Variants in CCDC171 observed in about 807,000 individuals in gnomAD.
The protein encoded by CCDC171 is coiled-coil domain-containing protein 171.
CCDC171 carries 177 observed loss-of-function variants against 168.2 expected under a neutral mutation model. The observed-to-expected ratio is 1.05, with a 90% CI of 0.93 to 1.19. CCDC171 has a LOEUF of 1.19. Ranked by LOEUF, CCDC171 falls within the 50% of genes most tolerant of loss-of-function variation. The pLI is 0.00. For synonymous variants in CCDC171, 687 were observed against 540.8 expected (o/e 1.27, Z -3.75); for missense variants, 1,991 against 1,539.0 (o/e 1.29, Z -4.91).
At chr9:16,029,201 A>T (rs1224132454) in intron 6 of CCDC171, among the ~76,000 whole-genome samples, 1 of 152,190 alleles carries the variant, frequency 6.6e-6, no homozygotes, top group East Asian at 1.9e-4. Flanking sequence ...ACATCTTCTG[A>T]TTTGGGCTTG....
chr9:15,960,198 G>A (rs951377596), intron 25 of CCDC171, among the ~76,000 whole-genome samples: 6 of 152,104 alleles, frequency 3.9e-5, no homozygotes, highest in Non-Finnish European at 8.8e-5. Context: ...GCAATTATGT[G>A]GTTTCATAGT....
intron 24 of CCDC171, among the ~76,000 whole-genome samples, chr9:15,894,473 C>T (rs928568487): frequency 6.6e-6 from 1 of 152,024 alleles, no homozygotes; most frequent in African/African-American, 2.4e-5. Context: ...GCCATTCCTC[C>T]CTTCTTATAC....
chr9:15,940,883 G>A (rs368689376), intron 25 of CCDC171, among the ~76,000 whole-genome samples: 3 of 151,900 alleles, frequency 2.0e-5, no homozygotes, highest in South Asian at 2.1e-4. Context: ...AAAACATAGC[G>A]TTAAGAAGTT....
chr9:15,837,920 C>T (rs2060518023), intron 21 of CCDC171, among the ~76,000 whole-genome samples: 2 of 152,174 alleles, frequency 1.3e-5, no homozygotes, highest in Admixed American at 1.3e-4. Flanking sequence ...TACTTCAAAA[C>T]AACACAACTT....
At chr9:15,851,434 G>A (rs1250741635) in intron 23 of CCDC171, among the ~76,000 whole-genome samples, 23 of 36,054 alleles carry the variant, frequency 6.4e-4, no homozygotes, top group Admixed American at 3.4e-4. Flanking sequence ...ACTCTTTTGG[G>A]GGGGAATTTC....
rs750829875 is a variant in CCDC171, at chr9:15,744,586, A to G, written c.2363A>G (p.Lys788Arg). The part of the protein sequence containing the change: ...TVEEKKQEEA[K>R]MKKKTFKGLI... The stretch of plus-strand genomic sequence containing the variant: ...GAGGAAAAGAAGCAAGAGGAAGCCA[A>G]GATGAAAAAGAAAACATTCAAAGGA... Residue 788 changes from lysine to arginine, a missense_variant, in exon 17 of 26, where the codon AAG becomes AGG. Lys to Arg is a conservative substitution (Grantham distance 26). Transcript: ENST00000380701. The G allele has an allele frequency of 1.2e-6, 2 of 1,614,252 alleles. No homozygotes were observed. Among genetic ancestry groups the G allele is most frequent in the Admixed American group, 1.7e-5 (1 of 60,026 alleles).
At chr9:16,082,885 C>G in the CCDC171 span, among the ~76,000 whole-genome samples, 1 of 152,172 alleles carries the variant, frequency 6.6e-6, no homozygotes, top group Non-Finnish European at 1.5e-5. Context: ...TCAAATCAAG[C>G]TGACATTTAT....
rs1174065231 is a variant in CCDC171, at chr9:15,973,335, G to A, written c.*1499G>A. On this transcript the variant is annotated 3_prime_UTR_variant, in exon 26 of 26. Transcript: ENST00000380701. ...GAAGTTTTTTTGTCTTATCTTTACA[G>A]TGACATTTGATTCAAATTACCCAAC... 1 of 121,082 alleles carries A rather than the reference G, an allele frequency of 8.3e-6. No individual in the cohort carries two copies. The highest frequency in any genetic ancestry group is 1.7e-5 in the Non-Finnish European group (1 of 58,930). 7.5% of individuals were successfully genotyped at this position (121,082 alleles called of 1,614,324 possible). A position where few individuals can be genotyped will look rare whatever the true frequency, so the allele number is the denominator to read the frequency against.
chr9:15,678,720 A>T (rs750715569), intron 9 of CCDC171, 38 bp from the exon 10 acceptor site: 2 of 1,546,892 alleles, frequency 1.3e-6, no homozygotes, highest in South Asian at 2.5e-5. Flanking sequence ...TGATGTAAGC[A>T]TGTTTGAAAA....
At chr9:16,091,112 G>T in the CCDC171 span, among the ~76,000 whole-genome samples, 2 of 152,150 alleles carry the variant, frequency 1.3e-5, no homozygotes, top group Non-Finnish European at 2.9e-5. Flanking sequence ...TAAATCATTT[G>T]CAAATCACAT....
At chr9:15,963,833 GAAAC>G (rs1215056099) in intron 25 of CCDC171, among the ~76,000 whole-genome samples, 7 of 152,092 alleles carry the variant, frequency 4.6e-5, no homozygotes, top group African/African-American at 9.7e-5. Flanking sequence ...GGCTGCTCAG[GAAAC>G]AAACAAACAG....
intron 7 of CCDC171, among the ~76,000 whole-genome samples, chr9:15,650,813 G>C (rs1018227035): frequency 6.6e-6 from 1 of 152,006 alleles, no homozygotes; most frequent in Admixed American, 6.6e-5. Flanking sequence ...CAAGTCACTA[G>C]TTAGGCTATT....
intron 16 of CCDC171, among the ~76,000 whole-genome samples, chr9:15,731,412 T>C (rs1023849807): frequency 3.9e-5 from 6 of 152,176 alleles, no homozygotes; most frequent in Non-Finnish European, 5.9e-5. Context: ...GTCATGTAGA[T>C]TAGTTTTCAC....
At chr9:15,910,300 GT>G (rs979195290) in intron 24 of CCDC171, among the ~76,000 whole-genome samples, 2 of 151,904 alleles carry the variant, frequency 1.3e-5, no homozygotes, top group African/African-American at 4.8e-5. Context: ...GAATGCATCT[GT>G]TTTTTTGTTA....
intron 24 of CCDC171, 111 bp downstream of exon 24, chr9:15,874,774 A>G: frequency 1.9e-6 from 2 of 1,061,544 alleles, no homozygotes; most frequent in Non-Finnish European, 2.5e-6. Context: ...AGGAGATGCA[A>G]ATAGATGTTT....
At chr9:15,636,652 G>T (rs560344441) in intron 7 of CCDC171, among the ~76,000 whole-genome samples, 2 of 151,180 alleles carry the variant, frequency 1.3e-5, no homozygotes, top group Admixed American at 6.6e-5. Flanking sequence ...GGGAGGCTGA[G>T]GTGGGAGGAT....
intron 10 of CCDC171, among the ~76,000 whole-genome samples, chr9:15,694,329 C>A (rs2051049289): frequency 6.6e-6 from 1 of 152,156 alleles, no homozygotes; most frequent in African/African-American, 2.4e-5. Flanking sequence ...ATTCAGCCAC[C>A]TCCCATATTT....
chr9:15,916,947 A>G (rs373707864), intron 24 of CCDC171, among the ~76,000 whole-genome samples: 1 of 151,998 alleles, frequency 6.6e-6, no homozygotes. Flanking sequence ...TGACAACAGG[A>G]TAAGTTCTCA....
chr9:16,086,065 G>A, the CCDC171 span, among the ~76,000 whole-genome samples: 3 of 152,186 alleles, frequency 2.0e-5, no homozygotes, highest in Non-Finnish European at 4.4e-5. Context: ...CTCACCGGCT[G>A]TGAGTCCGTC....
Sources: gnomAD v4.1 joint callset for allele counts (sites outside exome capture counted in the v4.1 genomes callset) on GRCh38, gnomAD v4.1.1 for gene constraint, MANE v1.5 for transcripts, NCBI Gene and HGNC (gene_info 2026-07-23, HGNC 2026-07-21) for gene names.